Variants in ADAM17 observed in about 807,000 individuals in gnomAD.
The protein encoded by ADAM17 is disintegrin and metalloproteinase domain-containing protein 17.
Under a neutral mutation model 96.7 loss-of-function variants are expected in ADAM17, and 39 were observed. The observed-to-expected ratio is 0.40, with a 90% confidence interval of 0.31 to 0.53. The LOEUF is 0.53. Among genes scored for constraint, ADAM17 ranks in the 20% least tolerant of loss-of-function variants. The probability of loss-of-function intolerance (pLI) is 0.44; values close to 1 mark genes in which losing one functional copy is unlikely to be tolerated. For missense variants in ADAM17, 777 were observed against 1,013.2 expected (o/e 0.77, Z 3.17); for synonymous variants, 344 against 359.2 (o/e 0.96, Z 0.48).
intron 4 of ADAM17, among the ~76,000 whole-genome samples, chr2:9,528,411 C>A (rs183066961): frequency 6.6e-6 from 1 of 152,080 alleles, no homozygotes; most frequent in Non-Finnish European, 1.5e-5. Context: ...CTTTTTGCCA[C>A]GTTAGGTTTT....
At chr2:9,532,439 G>A (rs1241804115) in intron 4 of ADAM17, among the ~76,000 whole-genome samples, 2 of 152,002 alleles carry the variant, frequency 1.3e-5, no homozygotes, top group Non-Finnish European at 2.9e-5. Flanking sequence ...GTCCCTCAAG[G>A]TATCTGATGA....
At chr2:9,497,509 TCA>T (rs1662702772) in intron 13 of ADAM17, among the ~76,000 whole-genome samples, 1 of 152,188 alleles carries the variant, frequency 6.6e-6, no homozygotes, top group East Asian at 1.9e-4. Context: ...CTTCTGCATC[TCA>T]CAGTCATATA....
intron 10 of ADAM17, among the ~76,000 whole-genome samples, chr2:9,516,129 T>C (rs537066693): frequency 2.6e-5 from 4 of 152,386 alleles, no homozygotes; most frequent in Admixed American, 1.3e-4. Flanking sequence ...CATATGCTTC[T>C]CTGCTATCTG....
chr2:9,490,373 T>G lies in ADAM17; in HGVS notation c.2279A>C (p.Asp760Ala), dbSNP rs748739807. The change falls in exon 19 of 19, where the codon GAC becomes GCC. Residue 760 changes from aspartate to alanine, a missense_variant. Physicochemically the swap from Asp to Ala is moderately radical, Grantham distance 126. Around this residue, in one of 3 missense-constraint regions of ADAM17, gnomAD observed 197 missense variants for 219.4 expected, o/e 0.90. Coordinates refer to ENST00000310823, the MANE Select transcript of ADAM17 (RefSeq NM_003183.6). ...AAPKLDHQRM[D>A]TIQEDPSTDS... ...TGTGCTGGGGTCTTCCTGGATGGTGTCCATTCTCTGGTGGTCCAGTTTTGG... is the reference window on the plus strand; with the variant it reads ...TGTGCTGGGGTCTTCCTGGATGGTGGCCATTCTCTGGTGGTCCAGTTTTGG... 2 of 1,614,142 alleles carry G rather than the reference T, an allele frequency of 1.2e-6. No homozygotes were observed. The highest frequency in any genetic ancestry group is 1.7e-6 in the Non-Finnish European group (2 of 1,180,022).
intron 7 of ADAM17, chr2:9,522,192 T>G: frequency 2.7e-6 from 1 of 376,092 alleles, no homozygotes; most frequent in Non-Finnish European, 4.7e-6. Context: ...TGCATGAACA[T>G]GAAGTACTCT....
At position 9,520,555 on chromosome 2, in the gene ADAM17, G is replaced by A. The variant is rs183705669; in HGVS notation, c.957+648C>T. On this transcript the variant is annotated intron_variant, in intron 8 of 18. Transcript: ENST00000310823. Reference sequence around the variant, plus strand: ...TAAGCTTCAGAGAGAGCTGAACTAAGTGTGCAGAACTAATGAAACAGTGTG... The same window carrying A: ...TAAGCTTCAGAGAGAGCTGAACTAAATGTGCAGAACTAATGAAACAGTGTG... Among the ~76,000 whole-genome samples the A allele has an allele frequency of 2.0e-5, 3 of 152,306 alleles. No individual in the cohort carries two copies. The East Asian group carries it at 5.8e-4, about 29-fold the overall frequency.
At chr2:9,494,554 G>C (rs1463348755) in intron 15 of ADAM17, 83 bp downstream of exon 15, 7 of 1,520,716 alleles carry the variant, frequency 4.6e-6, no homozygotes, top group Non-Finnish European at 6.3e-6. Flanking sequence ...GTTTTGATTT[G>C]TTTTCATCTG....
chr2:9,493,352 T>A (rs957758621), intron 16 of ADAM17, among the ~76,000 whole-genome samples: 2 of 152,206 alleles, frequency 1.3e-5, no homozygotes, highest in African/African-American at 4.8e-5. Flanking sequence ...CAACATGATA[T>A]ACCCTGCTTC....
chr2:9,490,604 C>A, intron 18 of ADAM17, 86 bp from the exon 19 acceptor site: 1 of 1,350,514 alleles, frequency 7.4e-7, no homozygotes, highest in South Asian at 1.4e-5. Flanking sequence ...ATCAAACAGC[C>A]TCTTATTCTG....
chr2:9,492,020 C>G (rs1662197278), intron 17 of ADAM17, among the ~76,000 whole-genome samples: 1 of 152,224 alleles, frequency 6.6e-6, no homozygotes, highest in Admixed American at 6.5e-5. Context: ...TAGAGATCTT[C>G]CTATACCCAT....
At chr2:9,506,740 TG>T (rs751613791) in intron 11 of ADAM17, 1 of 152,112 alleles carries the variant, frequency 6.6e-6, no homozygotes, top group Non-Finnish European at 1.5e-5. Context: ...GTCATTTTGG[TG>T]GGTTTATTCA....
At chr2:9,511,816 T>C (rs1308845987) in intron 10 of ADAM17, among the ~76,000 whole-genome samples, 1 of 151,648 alleles carries the variant, frequency 6.6e-6, no homozygotes, top group Non-Finnish European at 1.5e-5. Context: ...ACTAAAAATA[T>C]AAAACCTAGC....
At position 9,512,913 on chromosome 2, in the gene ADAM17, A is replaced by C. The variant is rs192789338; in HGVS notation, c.1192-2782T>G. Among the ~76,000 whole-genome samples, 294 of 151,946 alleles carry C rather than the reference A, an allele frequency of 1.9e-3. 1 individual carries two copies. The highest frequency in any genetic ancestry group is 3.3e-3 in the Non-Finnish European group (221 of 67,928). On this transcript the variant is annotated intron_variant, in intron 10 of 18. Transcript: ENST00000310823. The stretch of plus-strand genomic sequence containing the variant: ...TGTGCCAGGAGGGAGGTACATCCCA[A>C]CTCCATGGGGACAGAAGCTCCTGTA...
chr2:9,523,268 T>C lies in ADAM17; in HGVS notation c.824A>G (p.Tyr275Cys), dbSNP rs1664383288. 5 of 1,611,352 alleles carry C rather than the reference T, an allele frequency of 3.1e-6. No individual in the cohort carries two copies. The highest frequency in any genetic ancestry group is 1.7e-5 in the Admixed American group (1 of 59,946). ...TSWDNAGFKGYGIQIEQIRIL... is the reference protein window; with the variant it reads ...TSWDNAGFKGCGIQIEQIRIL... ...AAATACCTGCTCTATCTGTATTCCA[T>C]AGCCTTTAAAACCTGCATTATCCCA... Residue 275 changes from tyrosine to cysteine, a missense_variant, in exon 7 of 19, where the codon TAT (tyrosine) becomes TGT (cysteine). Transcript: ENST00000310823.
rs1662110186 is a variant in ADAM17 at position 9,491,158 on chromosome 2, AG to A, written c.2083-8del. 6.2e-7 allele frequency: 1 copy of A among 1,611,552 alleles called. No homozygotes were observed. The highest frequency in any genetic ancestry group is 8.5e-7 in the Non-Finnish European group (1 of 1,177,908). On this transcript the variant is annotated splice_region_variant and splice_polypyrimidine_tract_variant and intron_variant, in intron 17 of 18. Transcript: ENST00000310823. ...GTTTATCCAATTTCTTATCCTAGAA[AG>A]AAACAGCAAGAAGGTCATTCCCTAC...
At chr2:9,507,653 TAC>T (rs1170336425) in intron 11 of ADAM17, among the ~76,000 whole-genome samples, 1 of 152,150 alleles carries the variant, frequency 6.6e-6, no homozygotes, top group Non-Finnish European at 1.5e-5. Context: ...TCTTCATTGA[TAC>T]AGACTGGCAG....
chr2:9,520,680 T>C (rs1366142765), intron 8 of ADAM17, among the ~76,000 whole-genome samples: 1 of 152,088 alleles, frequency 6.6e-6, no homozygotes, highest in Non-Finnish European at 1.5e-5. Flanking sequence ...ACGCACTGCT[T>C]TGGCCGGGCA....
At chr2:9,497,279 A>G (rs1361425738) in intron 13 of ADAM17, 31 bp from the exon 14 acceptor site, 3 of 1,612,592 alleles carry the variant, frequency 1.9e-6, no homozygotes, top group Non-Finnish European at 2.5e-6. Context: ...TAACAAAAAG[A>G]ATGAGTCACA....
rs1234369493 is a variant in ADAM17, at chr2:9,520,988, G to GAAAAAAAAAA, written c.957+214_957+215insTTTTTTTTTT. On this transcript the variant is annotated intron_variant, in intron 8 of 18. Coordinates refer to ENST00000310823, the MANE Select transcript of ADAM17 (RefSeq NM_003183.6). Reference sequence around the variant, plus strand: ...TCAAAAAAAAAAAAAAAAAAAAAAGGAAGCATTGCTTTATAGCGTTTTTCT... The same window carrying GAAAAAAAAAA: ...TCAAAAAAAAAAAAAAAAAAAAAAGGAAAAAAAAAAAAGCATTGCTTTATAGCGTTTTTCT... 9.4e-3 allele frequency among the ~76,000 whole-genome samples: 1,058 copies of GAAAAAAAAAA among 112,044 alleles called. 135 individuals are homozygous for GAAAAAAAAAA. The highest frequency in any genetic ancestry group is 0.015 in the Non-Finnish European group (731 of 50,040). 73.5% of individuals were successfully genotyped at this position (112,044 alleles called of 152,430 possible).
Sources: gnomAD v4.1 joint callset for allele counts (sites outside exome capture counted in the v4.1 genomes callset) on GRCh38, gnomAD v4.1.1 for gene constraint, gnomAD v4.1.1 regional missense constraint, MANE v1.5 for transcripts, NCBI Gene and HGNC (gene_info 2026-07-23, HGNC 2026-07-21) for gene names.